Variants in RGMA observed in about 807,000 individuals in gnomAD.
RGMA encodes the protein repulsive guidance molecule BMP co-receptor a, also known as repulsive guidance molecule A.
Under a neutral mutation model 23.2 loss-of-function variants are expected in RGMA, and 10 were observed. The observed-to-expected ratio is 0.43, with a 90% CI of 0.27 to 0.73. The LOEUF (loss-of-function observed/expected upper bound fraction) is 0.73. Ranked by LOEUF, RGMA falls within the 30% of genes least tolerant of loss-of-function variation. RGMA has a pLI of 0.20. For missense variants in RGMA, 547 were observed against 630.5 expected (o/e 0.87, Z 1.42); for synonymous variants, 308 against 279.3 (o/e 1.10, Z -1.03).
At chr15:93,051,675 C>T (rs539782416) in intron 3 of RGMA, among the ~76,000 whole-genome samples, 1 of 152,324 alleles carries the variant, frequency 6.6e-6, no homozygotes, top group South Asian at 2.1e-4. Flanking sequence ...TCTGGAGTCA[C>T]CCGGGCCTGG....
chr15:93,055,441 T>G (rs2054998087), intron 2 of RGMA, among the ~76,000 whole-genome samples: 1 of 152,078 alleles, frequency 6.6e-6, no homozygotes, highest in Admixed American at 6.5e-5. Flanking sequence ...ATCTTCCCGG[T>G]GCGACTGCCA....
chr15:93,077,978 G>A (rs1331835689), intron 1 of RGMA, among the ~76,000 whole-genome samples: 1 of 152,194 alleles, frequency 6.6e-6, no homozygotes, highest in Non-Finnish European at 1.5e-5. Flanking sequence ...AAAGTGCCGG[G>A]ATTATAGGTA....
chr15:93,051,942 G>A (rs1168650212), intron 3 of RGMA, 51 bp downstream of exon 3: 3 of 1,521,852 alleles, frequency 2.0e-6, no homozygotes, highest in South Asian at 2.4e-5. Context: ...GTCCACGCAG[G>A]GCAGAGACAA....
At chr15:93,070,403 C>G (rs1053793066) in intron 2 of RGMA, among the ~76,000 whole-genome samples, 3 of 152,212 alleles carry the variant, frequency 2.0e-5, no homozygotes, top group African/African-American at 4.8e-5. Flanking sequence ...GGCCAAGGCA[C>G]ACAGGGGCCC....
At chr15:93,082,902 T>C (rs1200307530) in intron 1 of RGMA, among the ~76,000 whole-genome samples, 1 of 152,252 alleles carries the variant, frequency 6.6e-6, no homozygotes, top group East Asian at 1.9e-4. Flanking sequence ...CTATCCACAG[T>C]ATCAGTTCAT....
chr15:93,055,757 C>G (rs1041291936), intron 2 of RGMA, among the ~76,000 whole-genome samples: 3 of 152,218 alleles, frequency 2.0e-5, no homozygotes, highest in Non-Finnish European at 4.4e-5. Context: ...GGTCACCTCC[C>G]AGGGTGAGCA....
At chr15:93,066,889 G>T (rs1239442103) in intron 2 of RGMA, among the ~76,000 whole-genome samples, 1 of 152,192 alleles carries the variant, frequency 6.6e-6, no homozygotes, top group African/African-American at 2.4e-5. Flanking sequence ...TTCTACTTCT[G>T]GCTCTGCCAT....
At chr15:93,074,149 G>A in intron 1 of RGMA, 1 of 553,524 alleles carries the variant, frequency 1.8e-6, no homozygotes, top group African/African-American at 2.0e-5. Flanking sequence ...CTGAGCAAGT[G>A]TTCTTAGTCA....
At chr15:93,048,065 C>G (rs544326698) in intron 3 of RGMA, among the ~76,000 whole-genome samples, 51 of 152,150 alleles carry the variant, frequency 3.4e-4, no homozygotes, top group Non-Finnish European at 6.0e-4. Flanking sequence ...GTCATGGCCT[C>G]AGGACCAGGT....
intron 1 of RGMA, among the ~76,000 whole-genome samples, chr15:93,084,175 G>A (rs527290184): frequency 1.1e-4 from 17 of 152,150 alleles, no homozygotes; most frequent in Non-Finnish European, 2.4e-4. Flanking sequence ...AGAGAGTTCC[G>A]TGGCTATGTT....
Position 93,045,365 on chromosome 15 carries a change from G to T in RGMA, c.986C>A (p.Ala329Asp). The T allele has an allele frequency of 6.2e-7, 1 of 1,612,974 alleles. No homozygotes were observed. Among genetic ancestry groups the T allele is most frequent in the South Asian group, 1.1e-5 (1 of 91,056 alleles). ...CPLNQQIDFQ[A>D]FHTNAEGTGA... ...GGTGCCCTCAGCATTGGTGTGGAAG[G>T]CCTGGAAGTCGATCTGCTGGTTGAG... The change falls in exon 4 of 4, where the codon GCC becomes GAC. Residue 329 changes from alanine (A) to aspartate (D), a missense_variant. Physicochemically the swap from Ala to Asp is moderately radical, Grantham distance 126. This residue lies in a region of RGMA where 205 missense variants were observed against 204.1 expected (regional missense o/e 1.00). Coordinates refer to ENST00000329082, the MANE Select transcript of RGMA (RefSeq NM_020211.3). The surrounding 1 kb of genome is among the most constrained non-coding windows in gnomAD (Gnocchi z 6.9).
At chr15:93,078,375 C>T (rs1006675234) in intron 1 of RGMA, among the ~76,000 whole-genome samples, 1 of 152,242 alleles carries the variant, frequency 6.6e-6, no homozygotes. Context: ...TGAGTAACCA[C>T]CCATTCCCCC....
intron 2 of RGMA, among the ~76,000 whole-genome samples, chr15:93,067,574 G>A (rs1464441074): frequency 6.6e-6 from 1 of 152,162 alleles, no homozygotes; most frequent in African/African-American, 2.4e-5. Context: ...GTCTGCACTG[G>A]ACCCCTGTAG....
chr15:93,056,724 TG>T (rs1407567355), intron 2 of RGMA, among the ~76,000 whole-genome samples: 1 of 152,130 alleles, frequency 6.6e-6, no homozygotes, highest in Non-Finnish European at 1.5e-5. Flanking sequence ...GGGAGGTGTC[TG>T]GTTCAAAGTC....
chr15:93,082,749 T>C (rs909452092), intron 1 of RGMA, among the ~76,000 whole-genome samples: 1 of 152,242 alleles, frequency 6.6e-6, no homozygotes. Flanking sequence ...ACCAAAGAAA[T>C]TGAAATAATT....
chr15:93,088,291 G>C, intron 1 of RGMA: 1 of 985,424 alleles, frequency 1.0e-6, no homozygotes, highest in Middle Eastern at 5.2e-4. Context: ...CCTGGGTTGA[G>C]CTGCGGCGCG....
rs545717658 is a variant in RGMA at position 93,073,038 on chromosome 15, G to A, written c.15-7C>T. 4.8e-4 allele frequency: 750 copies of A among 1,554,492 alleles called. 4 individuals carry two copies. The highest frequency in any genetic ancestry group is 1.2e-4 in the Non-Finnish European group (136 of 1,155,340). On this transcript the variant is annotated splice_polypyrimidine_tract_variant and splice_region_variant and intron_variant, in intron 1 of 3. Coordinates refer to ENST00000329082, the MANE Select transcript of RGMA (RefSeq NM_020211.3). ...TGTTACCACTAGCCTCTCCCTGGAA[G>A]AAGAGTTCAGAAAAAAAGAAGAAAA...
At chr15:93,062,169 T>C (rs1894988409) in intron 2 of RGMA, among the ~76,000 whole-genome samples, 2 of 152,200 alleles carry the variant, frequency 1.3e-5, no homozygotes, top group South Asian at 4.1e-4. Flanking sequence ...TCCAACTCTG[T>C]GGCCTGCGTG....
intron 3 of RGMA, among the ~76,000 whole-genome samples, chr15:93,050,198 A>G (rs1004732767): frequency 6.6e-6 from 1 of 152,082 alleles, no homozygotes; most frequent in Non-Finnish European, 1.5e-5. Flanking sequence ...AGCTTCTGGG[A>G]GGGAGGGCAA....
Sources: allele counts gnomAD v4.1 joint callset (sites outside exome capture counted in the v4.1 genomes callset), GRCh38; gene constraint gnomAD v4.1.1; regional missense constraint gnomAD v4.1.1; non-coding constraint Gnocchi (gnomAD v3.1); transcripts MANE v1.5; gene names NCBI Gene and HGNC (gene_info 2026-07-23, HGNC 2026-07-21).